Variants in CTNND2 observed in about 807,000 individuals in gnomAD.
CTNND2 encodes catenin delta-2.
In CTNND2, 22 loss-of-function variants were observed where a neutral mutation model predicts 144.4. The observed-to-expected ratio is 0.15, with a 90% confidence interval of 0.11 to 0.22. CTNND2 has a LOEUF of 0.22. CTNND2 is among the 10% of genes least tolerant of loss of function. CTNND2 has a pLI of 1.00. For synonymous variants in CTNND2, 751 were observed against 695.6 expected, an observed-to-expected ratio of 1.08 and a Z score of -1.25; for missense variants, 1,353 against 1,618.8, an observed-to-expected ratio of 0.84 and a Z score of 2.82.
At chr5:11,839,085 T>C (rs1293692975) in intron 1 of CTNND2, among the ~76,000 whole-genome samples, 1 of 152,094 alleles carries the variant, frequency 6.6e-6, no homozygotes, top group African/African-American at 2.4e-5. Context: ...TTTGTAAAAA[T>C]TCAGAGGCGT....
chr5:11,666,572 T>C (rs1783579523), intron 2 of CTNND2, among the ~76,000 whole-genome samples: 1 of 152,184 alleles, frequency 6.6e-6, no homozygotes, highest in African/African-American at 2.4e-5. Context: ...AATGCGATCA[T>C]AAAATGGAAC....
At chr5:11,061,582 T>A (rs1033354063) in intron 16 of CTNND2, among the ~76,000 whole-genome samples, 7 of 152,166 alleles carry the variant, frequency 4.6e-5, no homozygotes, top group African/African-American at 1.4e-4. Context: ...CTCCTGTCCA[T>A]CTCTTAGGAT....
At chr5:11,680,072 G>T (rs1326320449) in intron 2 of CTNND2, among the ~76,000 whole-genome samples, 1 of 152,170 alleles carries the variant, frequency 6.6e-6, no homozygotes, top group Non-Finnish European at 1.5e-5. Flanking sequence ...TTAACTAGGG[G>T]ACGTGGGTGG....
intron 18 of CTNND2, among the ~76,000 whole-genome samples, chr5:11,011,742 G>A (rs564214841): frequency 6.6e-6 from 1 of 152,290 alleles, no homozygotes; most frequent in South Asian, 2.1e-4. Context: ...TCCACGGAGA[G>A]GCAAGGGCAC....
chr5:11,457,869 C>T (rs1403758143), intron 3 of CTNND2, among the ~76,000 whole-genome samples: 1 of 152,164 alleles, frequency 6.6e-6, no homozygotes, highest in Non-Finnish European at 1.5e-5. Context: ...ATTGCAACCC[C>T]TTCTATTCCT....
chr5:11,384,540 C>T lies in CTNND2; in HGVS notation c.1177+125G>A, dbSNP rs13436403. The T allele has an allele frequency of 1.4e-4, 117 of 822,504 alleles. No homozygotes were observed. In the African/African-American group the frequency reaches 2.0e-3, roughly 14 times the overall value. The allele number at this position is 822,504 out of a possible 1,614,324, so 51.0% of individuals were successfully genotyped here. On this transcript the variant is annotated intron_variant, in intron 7 of 21. Coordinates refer to ENST00000304623, the MANE Select transcript of CTNND2 (RefSeq NM_001332.4). The surrounding 1 kb of genome is among the most constrained non-coding windows in gnomAD (Gnocchi z 5.2). ...CCAGGAAAGCCCTGGCGTTCTCTGTCTCCTGCAACTACTACAACCTGGCAG... is the reference window on the plus strand; with the variant it reads ...CCAGGAAAGCCCTGGCGTTCTCTGTTTCCTGCAACTACTACAACCTGGCAG...
chr5:11,368,398 G>C (rs1276769645), intron 7 of CTNND2, among the ~76,000 whole-genome samples: 3 of 152,224 alleles, frequency 2.0e-5, no homozygotes, highest in African/African-American at 7.2e-5. Flanking sequence ...TGGCTGTGGG[G>C]TTGGTGTTGG....
At chr5:11,750,689 A>G (rs141652121) in intron 1 of CTNND2, among the ~76,000 whole-genome samples, 272 of 151,958 alleles carry the variant, frequency 1.8e-3, no homozygotes, top group African/African-American at 6.4e-3. Context: ...GTATAGCTCT[A>G]TATTGTAGGT....
chr5:11,680,043 C>T (rs1244981558), intron 2 of CTNND2, among the ~76,000 whole-genome samples: 1 of 152,104 alleles, frequency 6.6e-6, no homozygotes, highest in Non-Finnish European at 1.5e-5. Context: ...GGAAGTGTAA[C>T]ATGAAGGAAA....
At chr5:11,864,210 T>C (rs1795632871) in intron 1 of CTNND2, among the ~76,000 whole-genome samples, 1 of 152,010 alleles carries the variant, frequency 6.6e-6, no homozygotes, top group Non-Finnish European at 1.5e-5. Context: ...TTGACCAACC[T>C]CCGCTGCCTG....
intron 16 of CTNND2, among the ~76,000 whole-genome samples, chr5:11,025,211 G>A (rs1193664122): frequency 6.6e-6 from 1 of 152,128 alleles, no homozygotes; most frequent in African/African-American, 2.4e-5. Context: ...AACAAATCAG[G>A]TAATATTATT....
intron 1 of CTNND2, among the ~76,000 whole-genome samples, chr5:11,875,163 A>G (rs962387294): frequency 2.6e-5 from 4 of 152,168 alleles, no homozygotes; most frequent in Admixed American, 6.5e-5. Context: ...AAATTGTTCA[A>G]TCATTCTGGT....
chr5:11,834,882 T>C (rs1581974353), intron 1 of CTNND2, among the ~76,000 whole-genome samples: 1 of 152,192 alleles, frequency 6.6e-6, no homozygotes, highest in Non-Finnish European at 1.5e-5. Context: ...GGCTCCTGCC[T>C]GTAATCATAG....
chr5:11,173,800 A>G (rs547684398), intron 11 of CTNND2, among the ~76,000 whole-genome samples: 10 of 152,314 alleles, frequency 6.6e-5, no homozygotes, highest in South Asian at 4.1e-4. Context: ...TGCACAATTC[A>G]GGGTTGTTTA....
At chr5:11,244,470 A>C (rs1029262470) in intron 9 of CTNND2, among the ~76,000 whole-genome samples, 1 of 152,068 alleles carries the variant, frequency 6.6e-6, no homozygotes, top group Admixed American at 6.6e-5. Flanking sequence ...TTTTTAGTAG[A>C]GACAAGGTTT....
intron 3 of CTNND2, among the ~76,000 whole-genome samples, chr5:11,415,304 G>A (rs1328320448): frequency 2.0e-5 from 3 of 152,020 alleles, no homozygotes; most frequent in South Asian, 2.1e-4. Context: ...TCATGGTGGC[G>A]CTAGGCATGG....
intron 1 of CTNND2, among the ~76,000 whole-genome samples, chr5:11,851,150 C>T (rs1008817570): frequency 6.6e-6 from 1 of 152,152 alleles, no homozygotes; most frequent in Non-Finnish European, 1.5e-5. Flanking sequence ...CAGCATCACC[C>T]CTCCTTGAAT....
chr5:11,698,589 A>T (rs1785248552), intron 2 of CTNND2, among the ~76,000 whole-genome samples: 1 of 152,048 alleles, frequency 6.6e-6, no homozygotes, highest in South Asian at 2.1e-4. Context: ...GTCCCGCCCA[A>T]AGAACACATT....
chr5:11,638,831 C>T (rs533509561), intron 2 of CTNND2, among the ~76,000 whole-genome samples: 9 of 152,240 alleles, frequency 5.9e-5, no homozygotes, highest in Admixed American at 5.2e-4. Context: ...ACCTCAGCCC[C>T]GCAAAGTGCT....
Sources: gnomAD v4.1 joint callset for allele counts (sites outside exome capture counted in the v4.1 genomes callset) on GRCh38, gnomAD v4.1.1 for gene constraint, Gnocchi (gnomAD v3.1) non-coding constraint, MANE v1.5 for transcripts, NCBI Gene and HGNC (gene_info 2026-07-23, HGNC 2026-07-21) for gene names.